Variants in UGT2B15 observed in about 807,000 individuals in gnomAD.
UGT2B15 encodes the protein UDP-glucuronosyltransferase 2B15.
UGT2B15 carries 36 observed loss-of-function variants against 45.9 expected under a neutral mutation model. The ratio of observed to expected loss-of-function variants is 0.78; its 90% CI spans 0.60 to 1.04. UGT2B15 has a LOEUF of 1.04. Among genes scored for constraint, UGT2B15 ranks in the 50% least tolerant of loss-of-function variants. UGT2B15 has a pLI of 0.00. For missense variants in UGT2B15, 617 were observed against 622.4 expected, an observed-to-expected ratio of 0.99 and a Z score of 0.09; for synonymous variants, 219 against 216.4, an observed-to-expected ratio of 1.01 and a Z score of -0.11.
intron 2 of UGT2B15, among the ~76,000 whole-genome samples, chr4:68,663,420 C>T (rs926255103): frequency 6.6e-6 from 1 of 151,916 alleles, no homozygotes; most frequent in African/African-American, 2.4e-5. Context: ...GGAGATAATG[C>T]TAGAAAATGT....
Position 68,670,292 on chromosome 4 carries a change from A to T in UGT2B15, c.327T>A (p.Tyr109Ter), listed in dbSNP as rs1733270020. The change falls in exon 1 of 6, where the codon TAT becomes TAA. Residue 109 changes from tyrosine to a stop codon, truncating the protein, a stop_gained. Coordinates refer to ENST00000338206, the MANE Select transcript of UGT2B15 (RefSeq NM_001076.4). LOFTEE classifies it high-confidence loss of function. Reference protein sequence around the residue: ...YGVSKNTFWSYFSQLQELCWE... With the variant: ...YGVSKNTFWS ...AACACAATTCTTGTAATTGTGAAAA[A>T]TATGACCAAAATGTATTTTTTGAAA... is the stretch of plus-strand genomic sequence containing the variant. The T allele has an allele frequency of 6.2e-7, 1 of 1,614,106 alleles. No individual in the cohort carries two copies. The highest frequency in any genetic ancestry group is 1.3e-5 in the African/African-American group (1 of 75,044).
chr4:68,655,482 A>G (rs1732777751), intron 3 of UGT2B15, among the ~76,000 whole-genome samples: 1 of 152,080 alleles, frequency 6.6e-6, no homozygotes, highest in African/African-American at 2.4e-5. Flanking sequence ...ACTCTATGCT[A>G]AAGGGAAAAG....
rs1732506971 is a variant in UGT2B15, at chr4:68,647,252, T to A, written c.1445A>T (p.His482Leu). 6.2e-7 allele frequency: 1 copy of A among 1,613,914 alleles called. No individual in the cohort carries two copies. The highest frequency in any genetic ancestry group is 8.5e-7 in the Non-Finnish European group (1 of 1,179,942). ...KGAKHLRVAA[H>L]NLTWIQYHSL... ...GTGGTACTGGATCCAGGTGAGGTTG[T>A]GAGCTGCGACTCGAAGGTGCTTGGC... is the stretch of plus-strand genomic sequence containing the variant. The change falls in exon 6 of 6, where the codon CAC becomes CTC. Residue 482 changes from histidine to leucine, a missense_variant. His to Leu is a moderately conservative substitution (Grantham distance 99, BLOSUM62 -3). This residue lies in a region of UGT2B15 where 265 missense variants were observed against 245.1 expected (regional missense o/e 1.08). Coordinates refer to ENST00000338206, the MANE Select transcript of UGT2B15 (RefSeq NM_001076.4).
chr4:68,656,975 G>T (rs1732824818), intron 3 of UGT2B15, among the ~76,000 whole-genome samples: 1 of 151,972 alleles, frequency 6.6e-6, no homozygotes, highest in Non-Finnish European at 1.5e-5. Context: ...AGTATTGACT[G>T]TTGCTATTTT....
At chr4:68,666,551 T>G (rs1442517806) in intron 2 of UGT2B15, among the ~76,000 whole-genome samples, 1 of 151,978 alleles carries the variant, frequency 6.6e-6, no homozygotes, top group Non-Finnish European at 1.5e-5. Context: ...TAGTCATGAT[T>G]GCTTAAACTC....
At position 68,661,413 on chromosome 4, in the gene UGT2B15, T is replaced by A. The variant is rs5016465; in HGVS notation, c.1005+1595A>T. Among the ~76,000 whole-genome samples, 302 of 151,988 alleles carry A rather than the reference T, an allele frequency of 2.0e-3. 1 individual carries two copies. Among genetic ancestry groups the A allele is most frequent in the Middle Eastern group, 3.4e-3 (1 of 294 alleles). On this transcript the variant is annotated intron_variant, in intron 3 of 5. Coordinates refer to ENST00000338206, the MANE Select transcript of UGT2B15 (RefSeq NM_001076.4). ...GATTATCAATGAAATATTCAAATAT[T>A]TAAGAATTGTTAAGCAGTCTTAATT...
chr4:68,668,161 A>G lies in UGT2B15; in HGVS notation c.752T>C (p.Met251Thr). The change falls in exon 2 of 6, where the codon ATG becomes ACG. Residue 251 changes from methionine (M) to threonine (T), a missense_variant. Physicochemically the swap from Met to Thr is moderately conservative, Grantham distance 81. Transcript: ENST00000338206. The part of the protein sequence containing the change: ...LGRPTTLFET[M>T]GKAEMWLIRT... ...AATGAGCCACATTTCAGCTTTCCCCATTGTCTCAAATAATGTAGTGGGTCT... is the reference window on the plus strand; with the variant it reads ...AATGAGCCACATTTCAGCTTTCCCCGTTGTCTCAAATAATGTAGTGGGTCT... 3 of 1,613,216 alleles carry G rather than the reference A, an allele frequency of 1.9e-6. No homozygotes were observed. The highest frequency in any genetic ancestry group is 2.2e-5 in the South Asian group (2 of 90,980).
chr4:68,670,184 C>T lies in UGT2B15; in HGVS notation c.435G>A (p.Lys145=), dbSNP rs554358929. 3.7e-6 allele frequency: 6 copies of T among 1,614,058 alleles called. No homozygotes were observed. The highest frequency in any genetic ancestry group is 4.5e-5 in the East Asian group (2 of 44,870). ...KKLMMKLQES[K]FDVILADALN... is the part of the protein sequence containing the mutation. ...GGGCATCTGCCAGAATGACATCAAACTTTGACTCTTGTAGTTTCATCATAA... is the reference window on the plus strand; with the variant it reads ...GGGCATCTGCCAGAATGACATCAAATTTTGACTCTTGTAGTTTCATCATAA... The change falls in exon 1 of 6, where the codon AAG becomes AAA. Residue 145 remains lysine, a synonymous_variant. Coordinates refer to ENST00000338206, the MANE Select transcript of UGT2B15 (RefSeq NM_001076.4).
intron 1 of UGT2B15, 132 bp downstream of exon 1, chr4:68,669,763 A>T: frequency 7.7e-7 from 1 of 1,303,222 alleles, no homozygotes; most frequent in Non-Finnish European, 1.1e-6. Flanking sequence ...TGAGACTGAT[A>T]GATCATCTTA....
In UGT2B15 at chr4:68,655,166, T is replaced by A; in HGVS notation, c.1022A>T (p.Asp341Val). ...QIPQKVLWRF[D>V]GKKPNTLGSN... ...ACCTAAAGTATTTGGCTTCTTGCCA[T>A]CAAATCTCCATAGAACCTGTTAGGG... is the stretch of plus-strand genomic sequence containing the variant. Residue 341 changes from aspartate to valine, a missense_variant, in exon 4 of 6, where the codon GAT becomes GTT. By Grantham distance (152) the Asp-to-Val change is radical (BLOSUM62 -3). This residue lies in a region of UGT2B15 where 265 missense variants were observed against 245.1 expected (regional missense o/e 1.08). Coordinates refer to ENST00000338206, the MANE Select transcript of UGT2B15 (RefSeq NM_001076.4). 2 of 1,613,428 alleles carry A rather than the reference T, an allele frequency of 1.2e-6. No individual in the cohort carries two copies. Among genetic ancestry groups the A allele is most frequent in the South Asian group, 2.2e-5 (2 of 91,062 alleles).
Position 68,659,767 on chromosome 4 carries a change from G to A in UGT2B15, c.1005+3241C>T, listed in dbSNP as rs181436350. Reference sequence around the variant, plus strand: ...TGAAAAAAAGTTTTTGATAATTTTGGAGATTGTGACATTAGAATGGAAGAA... The same window carrying A: ...TGAAAAAAAGTTTTTGATAATTTTGAAGATTGTGACATTAGAATGGAAGAA... On this transcript the variant is annotated intron_variant, in intron 3 of 5. Transcript: ENST00000338206. 8.2e-3 allele frequency among the ~76,000 whole-genome samples: 1,246 copies of A among 151,980 alleles called. 18 individuals carry two copies. The highest frequency in any genetic ancestry group is 0.029 in the African/African-American group (1,197 of 41,466).
chr4:68,664,815 C>G (rs1445377150), intron 2 of UGT2B15, among the ~76,000 whole-genome samples: 1 of 152,122 alleles, frequency 6.6e-6, no homozygotes, highest in African/African-American at 2.4e-5. Context: ...CCACCCGCCT[C>G]AGCCTCCCGA....
Position 68,646,916 on chromosome 4 carries a change from C to T in UGT2B15, c.*188G>A, listed in dbSNP as rs1732489805. On this transcript the variant is annotated 3_prime_UTR_variant, in exon 6 of 6. Transcript: ENST00000338206. ...ATTGTATTTTTCATAGCTTAAAAAT[C>T]ATTGACATAGAATAATTCAGCTAAA... 1.8e-5 allele frequency: 14 copies of T among 787,186 alleles called. No individual in the cohort carries two copies. In the South Asian group the frequency reaches 2.8e-4, roughly 16 times the overall value. 48.8% of individuals were successfully genotyped at this position (787,186 alleles called of 1,614,324 possible).
intron 2 of UGT2B15, among the ~76,000 whole-genome samples, chr4:68,666,750 A>ATTT (rs1327859346): frequency 0.16 from 19,070 of 119,654 alleles, 1,861 homozygotes; most frequent in Admixed American, 0.24. Context: ...ATATATATAT[A>ATTT]TATTTTTTTT....
At chr4:68,651,703 T>G (rs571525848) in intron 5 of UGT2B15, among the ~76,000 whole-genome samples, 1 of 152,242 alleles carries the variant, frequency 6.6e-6, no homozygotes, top group East Asian at 1.9e-4. Context: ...GTGTTATTTC[T>G]GAGGCCTATG....
chr4:68,652,155 C>A (rs1732674079), intron 5 of UGT2B15, among the ~76,000 whole-genome samples: 1 of 151,940 alleles, frequency 6.6e-6, no homozygotes. Flanking sequence ...GGAATTTATT[C>A]ATGATTTGGC....
intron 1 of UGT2B15, among the ~76,000 whole-genome samples, chr4:68,669,135 A>G (rs915081209): frequency 1.4e-4 from 21 of 151,976 alleles, no homozygotes; most frequent in African/African-American, 4.8e-4. Flanking sequence ...ATCTTAATAT[A>G]ATTAGATTTT....
At chr4:68,648,621 T>C (rs1247016644) in intron 5 of UGT2B15, among the ~76,000 whole-genome samples, 1 of 152,116 alleles carries the variant, frequency 6.6e-6, no homozygotes, top group Admixed American at 6.6e-5. Flanking sequence ...ATATATACTA[T>C]GTGACTACCT....
chr4:68,655,183 C>A lies in UGT2B15; in HGVS notation c.1006-1G>T. On this transcript the variant is annotated splice_acceptor_variant, in intron 3 of 5. Coordinates refer to ENST00000338206, the MANE Select transcript of UGT2B15 (RefSeq NM_001076.4). LOFTEE classifies it high-confidence loss of function. ...TCTTGCCATCAAATCTCCATAGAAC[C>A]TGTTAGGGCAAGGAAAATATCTTGT... The A allele has an allele frequency of 6.2e-7, 1 of 1,612,994 alleles. No individual in the cohort carries two copies. Among genetic ancestry groups the A allele is most frequent in the Non-Finnish European group, 8.5e-7 (1 of 1,179,426 alleles).
Sources: allele counts gnomAD v4.1 joint callset (sites outside exome capture counted in the v4.1 genomes callset), GRCh38; gene constraint gnomAD v4.1.1; regional missense constraint gnomAD v4.1.1; transcripts MANE v1.5; gene names NCBI Gene and HGNC (gene_info 2026-07-23, HGNC 2026-07-21).